ATG10: variants seen among roughly 807,000 people sequenced by gnomAD.
The protein encoded by ATG10 is ubiquitin-like-conjugating enzyme ATG10.
Under a neutral mutation model 32.1 loss-of-function variants are expected in ATG10, and 30 were observed. That is an observed-to-expected ratio of 0.94 (90% CI 0.70 to 1.27). The LOEUF (loss-of-function observed/expected upper bound fraction) is 1.27, where lower values mean the gene tolerates loss of function less well. ATG10 is among the 50% of genes most tolerant of loss of function. ATG10 has a pLI of 0.00. For synonymous variants in ATG10, 87 were observed against 91.5 expected (o/e 0.95, Z 0.28); for missense variants, 233 against 262.3 (o/e 0.89, Z 0.77).
At chr5:82,020,965 G>T (rs1762417676) in intron 2 of ATG10, among the ~76,000 whole-genome samples, 1 of 151,886 alleles carries the variant, frequency 6.6e-6, no homozygotes, top group Non-Finnish European at 1.5e-5. Flanking sequence ...GTACTCTGAG[G>T]AGTAGAGGTC....
intron 4 of ATG10, among the ~76,000 whole-genome samples, chr5:82,170,466 T>TC (rs767564187): frequency 3.9e-5 from 6 of 152,178 alleles, no homozygotes; most frequent in Non-Finnish European, 8.8e-5. Context: ...GAGACTGCAT[T>TC]CCATGAGAAG....
chr5:81,986,024 A>G (rs1047681493), intron 1 of ATG10, among the ~76,000 whole-genome samples: 1 of 151,892 alleles, frequency 6.6e-6, no homozygotes, highest in African/African-American at 2.4e-5. Context: ...CGGCCTCCCC[A>G]AAGTGCTGGG....
Position 82,006,704 on chromosome 5 carries a change from AC to A in ATG10, c.108+19027del, listed in dbSNP as rs200556881. On this transcript the variant is annotated intron_variant, in intron 2 of 7. Transcript: ENST00000282185. ...TTACCATCTTAACCACTTTAAGTAT[AC>A]AGTACGGTAGTGTTAAGTGCATTCA... Among the ~76,000 whole-genome samples the A allele has an allele frequency of 8.2e-4, 125 of 152,324 alleles. 1 individual carries two copies. In the East Asian group the frequency reaches 0.024, roughly 29 times the overall value.
At chr5:82,060,886 A>C (rs1763745506) in intron 3 of ATG10, among the ~76,000 whole-genome samples, 1 of 152,202 alleles carries the variant, frequency 6.6e-6, no homozygotes, top group African/African-American at 2.4e-5. Flanking sequence ...AGTGAAAAAA[A>C]GGTAGATTAT....
At chr5:82,105,347 C>T (rs1765413567) in intron 3 of ATG10, among the ~76,000 whole-genome samples, 1 of 151,850 alleles carries the variant, frequency 6.6e-6, no homozygotes, top group Non-Finnish European at 1.5e-5. Context: ...TATTGTCTGC[C>T]AGCTAATTTA....
intron 3 of ATG10, among the ~76,000 whole-genome samples, chr5:82,062,242 T>G (rs1444539162): frequency 6.6e-6 from 1 of 152,080 alleles, no homozygotes; most frequent in East Asian, 1.9e-4. Context: ...GAGTTTTTAG[T>G]AGTTTGTGTT....
At chr5:82,094,479 T>C (rs961637538) in intron 3 of ATG10, among the ~76,000 whole-genome samples, 2 of 152,222 alleles carry the variant, frequency 1.3e-5, no homozygotes, top group African/African-American at 4.8e-5. Context: ...AGAATAAAAA[T>C]TGTTACAATC....
In ATG10 at chr5:82,131,878, A is replaced by G. The variant is rs577510866; in HGVS notation, c.217-32521A>G. Among the ~76,000 whole-genome samples, 4 of 152,206 alleles carry G rather than the reference A, an allele frequency of 2.6e-5. No individual in the cohort carries two copies. In the South Asian group the frequency reaches 8.3e-4, roughly 32 times the overall value. On this transcript the variant is annotated intron_variant, in intron 3 of 7. Transcript: ENST00000282185. ...GCATCCTGGCATCTGCTTCTGGGAT[A>G]GGGGAGGGTGTCAGGAGGCTTCCAA...
chr5:82,150,100 T>C (rs1767530526), intron 3 of ATG10, among the ~76,000 whole-genome samples: 1 of 152,226 alleles, frequency 6.6e-6, no homozygotes, highest in South Asian at 2.1e-4. Context: ...GCTGTGGGTA[T>C]AGTGCTCTAA....
intron 5 of ATG10, among the ~76,000 whole-genome samples, chr5:82,205,930 G>T (rs1042897548): frequency 6.6e-6 from 1 of 152,166 alleles, no homozygotes; most frequent in Non-Finnish European, 1.5e-5. Context: ...GTGTGACAAA[G>T]AATAGAACCT....
At chr5:82,037,498 C>T (rs1222210885) in intron 2 of ATG10, among the ~76,000 whole-genome samples, 6 of 151,278 alleles carry the variant, frequency 4.0e-5, no homozygotes, top group East Asian at 1.9e-4. Context: ...CCGCCCGCCT[C>T]GGCCTCCCAA....
At chr5:81,988,490 G>C (rs1329177562) in intron 2 of ATG10, among the ~76,000 whole-genome samples, 1 of 152,072 alleles carries the variant, frequency 6.6e-6, no homozygotes, top group Non-Finnish European at 1.5e-5. Flanking sequence ...CTGGAGTACA[G>C]TGGCGCAATC....
At chr5:81,997,216 G>A (rs76431496) in intron 2 of ATG10, among the ~76,000 whole-genome samples, 2,266 of 152,310 alleles carry the variant, frequency 0.015, 27 homozygotes, top group Non-Finnish European at 0.024. Context: ...ACCGCCCAAC[G>A]AAGGACTTTG....
chr5:82,218,134 C>T (rs1745770435), intron 5 of ATG10, among the ~76,000 whole-genome samples: 2 of 151,444 alleles, frequency 1.3e-5, no homozygotes, highest in South Asian at 4.2e-4. Context: ...ATGGTGGTTT[C>T]ACAGGTTTCA....
intron 3 of ATG10, among the ~76,000 whole-genome samples, chr5:82,079,862 A>T (rs1042965965): frequency 6.6e-6 from 1 of 152,142 alleles, no homozygotes; most frequent in Admixed American, 6.5e-5. Flanking sequence ...ATGATTTATA[A>T]TCCTTTGGGT....
At chr5:82,179,154 A>G (rs1744141839) in intron 5 of ATG10, among the ~76,000 whole-genome samples, 1 of 152,170 alleles carries the variant, frequency 6.6e-6, no homozygotes, top group Non-Finnish European at 1.5e-5. Flanking sequence ...TTGTATAGGT[A>G]TCAAAATATG....
intron 3 of ATG10, among the ~76,000 whole-genome samples, chr5:82,136,623 G>A (rs1042360188): frequency 1.3e-5 from 2 of 151,832 alleles, no homozygotes; most frequent in African/African-American, 4.8e-5. Context: ...TTCCCTTTGT[G>A]GGTACCCTGG....
intron 2 of ATG10, among the ~76,000 whole-genome samples, chr5:82,044,437 G>A (rs1561270591): frequency 6.6e-6 from 1 of 152,102 alleles, no homozygotes; most frequent in East Asian, 1.9e-4. Flanking sequence ...ATATTTATGG[G>A]TCCAATTCTA....
intron 2 of ATG10, among the ~76,000 whole-genome samples, chr5:82,000,533 G>C (rs1408012760): frequency 6.6e-6 from 1 of 152,150 alleles, no homozygotes; most frequent in Non-Finnish European, 1.5e-5. Context: ...AACTATTGCT[G>C]TTTGTAGATA....
Sources: gnomAD v4.1 joint callset for allele counts (sites outside exome capture counted in the v4.1 genomes callset) on GRCh38, gnomAD v4.1.1 for gene constraint, MANE v1.5 for transcripts, NCBI Gene and HGNC (gene_info 2026-07-23, HGNC 2026-07-21) for gene names.